Variants in CEP112 observed in about 807,000 individuals in gnomAD.
CEP112 encodes centrosomal protein of 112 kDa.
Under a neutral mutation model 153.0 loss-of-function variants are expected in CEP112, and 127 were observed. The observed-to-expected ratio is 0.83, with a 90% CI of 0.72 to 0.96. The LOEUF (loss-of-function observed/expected upper bound fraction) is 0.96, where lower values mean the gene tolerates loss of function less well. CEP112 is among the 40% of genes least tolerant of loss of function. The pLI is 0.00. For synonymous variants in CEP112, 358 were observed against 374.4 expected (o/e 0.96, Z 0.51); for missense variants, 1,089 against 1,101.2 (o/e 0.99, Z 0.16).
At chr17:66,081,491 C>T (rs1052596443) in intron 8 of CEP112, among the ~76,000 whole-genome samples, 1 of 151,960 alleles carries the variant, frequency 6.6e-6, no homozygotes, top group African/African-American at 2.4e-5. Context: ...TGACATTATG[C>T]ATATCTGAAT....
intron 24 of CEP112, among the ~76,000 whole-genome samples, chr17:65,660,439 TTC>T (rs1225646860): frequency 1.1e-4 from 12 of 109,698 alleles, no homozygotes; most frequent in East Asian, 6.7e-4. Context: ...CTTTCTTTCT[TTC>T]TCTCTCTCTC....
chr17:66,033,168 A>G (rs1013833936), intron 12 of CEP112, among the ~76,000 whole-genome samples: 1 of 152,222 alleles, frequency 6.6e-6, no homozygotes, highest in African/African-American at 2.4e-5. Flanking sequence ...AACATAGAAG[A>G]AAACAAAATG....
chr17:65,845,395 A>G (rs183864659), intron 21 of CEP112, among the ~76,000 whole-genome samples: 1 of 152,376 alleles, frequency 6.6e-6, no homozygotes, highest in Admixed American at 6.5e-5. Flanking sequence ...CAATATTTTC[A>G]AAGAATTTCA....
chr17:65,740,769 C>T (rs2051084219), intron 23 of CEP112, among the ~76,000 whole-genome samples: 1 of 152,182 alleles, frequency 6.6e-6, no homozygotes, highest in African/African-American at 2.4e-5. Context: ...AATCAAGCCT[C>T]ATAGTGGCTG....
At chr17:65,757,668 G>A (rs2052368544) in intron 21 of CEP112, among the ~76,000 whole-genome samples, 1 of 152,150 alleles carries the variant, frequency 6.6e-6, no homozygotes, top group African/African-American at 2.4e-5. Flanking sequence ...ATCAACTTTT[G>A]TGGTTTTTAC....
chr17:65,979,477 C>A (rs1210144072), intron 17 of CEP112, among the ~76,000 whole-genome samples: 2 of 152,084 alleles, frequency 1.3e-5, no homozygotes, highest in African/African-American at 4.8e-5. Context: ...TGGCCTCAAG[C>A]AATCCTCCCA....
intron 9 of CEP112, among the ~76,000 whole-genome samples, chr17:66,067,239 G>A (rs1054861976): frequency 3.9e-5 from 6 of 152,160 alleles, no homozygotes; most frequent in Admixed American, 1.3e-4. Flanking sequence ...GCCTGAAATC[G>A]TGAGACTTTC....
chr17:65,917,717 G>A (rs952683079), intron 19 of CEP112, among the ~76,000 whole-genome samples: 6 of 151,934 alleles, frequency 3.9e-5, no homozygotes, highest in African/African-American at 1.5e-4. Flanking sequence ...CGAGGCACAG[G>A]AGACAGACCT....
chr17:65,812,708 A>G (rs905959122), intron 21 of CEP112, among the ~76,000 whole-genome samples: 2 of 152,236 alleles, frequency 1.3e-5, no homozygotes, highest in Admixed American at 6.5e-5. Context: ...CAACCTTCTA[A>G]AAAAGCATCC....
intron 19 of CEP112, among the ~76,000 whole-genome samples, chr17:65,917,097 G>A (rs956007948): frequency 6.6e-6 from 1 of 152,106 alleles, no homozygotes; most frequent in Non-Finnish European, 1.5e-5. Flanking sequence ...CTGGTACTTT[G>A]CCATTGCCTG....
intron 20 of CEP112, among the ~76,000 whole-genome samples, chr17:65,884,338 G>A (rs1447693830): frequency 6.6e-6 from 1 of 152,186 alleles, no homozygotes; most frequent in African/African-American, 2.4e-5. Context: ...GCTACCTGGT[G>A]AAAAGCAATG....
At chr17:65,682,480 C>A (rs558619999) in intron 24 of CEP112, among the ~76,000 whole-genome samples, 5 of 152,176 alleles carry the variant, frequency 3.3e-5, no homozygotes, top group African/African-American at 9.7e-5. Flanking sequence ...TAAAATATAA[C>A]CTCAGTCATC....
intron 17 of CEP112, among the ~76,000 whole-genome samples, chr17:65,962,155 T>G (rs2062228598): frequency 6.6e-6 from 1 of 152,212 alleles, no homozygotes; most frequent in African/African-American, 2.4e-5. Context: ...GAGGAAAATA[T>G]GAAAATGTTC....
At position 65,858,124 on chromosome 17, in the gene CEP112, A is replaced by G. The variant is rs202126094; in HGVS notation, c.2164-6090T>C. On this transcript the variant is annotated intron_variant, in intron 20 of 26. Coordinates refer to ENST00000535342, the MANE Select transcript of CEP112 (RefSeq NM_001199165.4). ...GGACTTGATTTGCTAATAATTCCAG[A>G]TTTGTATGTGTGTGTTCATGAGTGA... Among the ~76,000 whole-genome samples, 8 of 152,216 alleles carry G rather than the reference A, an allele frequency of 5.3e-5. No homozygotes were observed. In the East Asian group the frequency reaches 1.5e-3, roughly 29 times the overall value.
intron 21 of CEP112, among the ~76,000 whole-genome samples, chr17:65,777,801 A>C (rs7221699): frequency 0.32 from 47,958 of 152,094 alleles, 9,552 homozygotes; most frequent in Middle Eastern, 0.45. Context: ...GAATCTAAAT[A>C]TTTCAGCATA....
intron 21 of CEP112, among the ~76,000 whole-genome samples, chr17:65,825,254 C>G (rs2056783788): frequency 6.6e-6 from 1 of 152,154 alleles, no homozygotes; most frequent in African/African-American, 2.4e-5. Context: ...TATATAATTC[C>G]ATTCATATCA....
At chr17:65,836,633 C>A in intron 21 of CEP112, among the ~76,000 whole-genome samples, 1 of 151,930 alleles carries the variant, frequency 6.6e-6, no homozygotes, top group East Asian at 1.9e-4. Context: ...TATAAAAAAA[C>A]AAAAATTAAC....
chr17:65,963,840 C>A (rs1422044552), intron 17 of CEP112, among the ~76,000 whole-genome samples: 1 of 152,152 alleles, frequency 6.6e-6, no homozygotes, highest in Non-Finnish European at 1.5e-5. Context: ...GTCTATTTAT[C>A]TTTTCATATC....
intron 20 of CEP112, among the ~76,000 whole-genome samples, chr17:65,867,943 A>G (rs1394026783): frequency 6.6e-6 from 1 of 152,056 alleles, no homozygotes; most frequent in Non-Finnish European, 1.5e-5. Flanking sequence ...TGAAGGGGAA[A>G]AAAAACCCTG....
Sources: gnomAD v4.1 joint callset for allele counts (sites outside exome capture counted in the v4.1 genomes callset) on GRCh38, gnomAD v4.1.1 for gene constraint, MANE v1.5 for transcripts, NCBI Gene and HGNC (gene_info 2026-07-23, HGNC 2026-07-21) for gene names.